Variants in JADE3 observed in about 807,000 individuals in gnomAD.
JADE3 encodes the protein protein Jade-3.
JADE3 carries 2 observed loss-of-function variants against 50.1 expected under a neutral mutation model. That is an observed-to-expected ratio of 0.04 (90% CI 0.02 to 0.13). The LOEUF is 0.13. JADE3 is among the 10% of genes least tolerant of loss of function. The probability of loss-of-function intolerance (pLI) is 1.00; values close to 1 mark genes in which losing one functional copy is unlikely to be tolerated. For missense variants in JADE3, 475 were observed against 634.4 expected (o/e 0.75, Z 2.70); for synonymous variants, 218 against 232.9 (o/e 0.94, Z 0.58).
Position 47,059,906 on chromosome X carries a change from A to G in JADE3, c.*829A>G, listed in dbSNP as rs1338215287. 8.9e-6 allele frequency: 1 copy of G among 112,363 alleles called. No individual in the cohort carries two copies. The highest frequency in any genetic ancestry group is 2.8e-4 in the East Asian group (1 of 3,590). The allele number at this position is 112,363 out of a possible 1,213,427, so 9.3% of individuals were successfully genotyped here. ...GTCAGGGTTTTTGTGTTGTTTTCAA[A>G]TAAGTTTGACTAAAATAAGTTTGGC... On this transcript the variant is annotated 3_prime_UTR_variant, in exon 11 of 11. Transcript: ENST00000614628.
At chrX:46,972,382 G>C (rs1480372936) in intron 1 of JADE3, among the ~76,000 whole-genome samples, 2 of 110,821 alleles carry the variant, frequency 1.8e-5, no homozygotes, top group African/African-American at 3.3e-5. Context: ...TTTAAGTAGA[G>C]ATGTGGTTTT....
intron 6 of JADE3, 81 bp downstream of exon 6, chrX:47,028,184 G>A (rs981328893): frequency 3.1e-6 from 2 of 640,081 alleles, no homozygotes; most frequent in Non-Finnish European, 4.9e-6. Flanking sequence ...GCATATCTGG[G>A]TAGCAGCTTG....
intron 4 of JADE3, among the ~76,000 whole-genome samples, chrX:47,003,620 A>T (rs960222778): frequency 2.0e-5 from 2 of 101,440 alleles, no homozygotes; most frequent in Non-Finnish European, 3.9e-5. Context: ...TATATATATA[A>T]ATTTATATAT....
intron 4 of JADE3, among the ~76,000 whole-genome samples, chrX:47,010,921 C>T (rs1449433072): frequency 8.9e-6 from 1 of 111,786 alleles, no homozygotes; most frequent in Non-Finnish European, 1.9e-5. Context: ...TGAGGCCTCT[C>T]TTCCTAGTGT....
At chrX:46,979,963 T>A (rs966799013) in intron 1 of JADE3, among the ~76,000 whole-genome samples, 2 of 94,219 alleles carry the variant, frequency 2.1e-5, no homozygotes, top group Admixed American at 1.3e-4. Flanking sequence ...CACTGCAACC[T>A]CCGCCTCCCA....
intron 3 of JADE3, among the ~76,000 whole-genome samples, chrX:46,989,032 G>A (rs1246558950): frequency 9.0e-6 from 1 of 111,209 alleles, no homozygotes; most frequent in Non-Finnish European, 1.9e-5. Context: ...TAGAGACAGG[G>A]TTTTACCATC....
chrX:46,931,868 A>G (rs1419337661), intron 1 of JADE3, among the ~76,000 whole-genome samples: 1 of 112,157 alleles, frequency 8.9e-6, no homozygotes, highest in Non-Finnish European at 1.9e-5. Context: ...TGCATATAAT[A>G]GGCACTCAAT....
chrX:46,989,939 G>C (rs138651080), intron 3 of JADE3, among the ~76,000 whole-genome samples: 10,151 of 107,980 alleles, frequency 0.094, 579 homozygotes, highest in East Asian at 0.32. Context: ...CTTGTTCATT[G>C]GTTCCATCTT....
At chrX:46,989,677 G>A (rs941670408) in intron 3 of JADE3, among the ~76,000 whole-genome samples, 1 of 111,508 alleles carries the variant, frequency 9.0e-6, no homozygotes, top group African/African-American at 3.3e-5. Flanking sequence ...ACCTGGGCAT[G>A]GATTTCTTTT....
intron 8 of JADE3, 46 bp from the exon 9 acceptor site, chrX:47,054,112 C>A (rs782081395): frequency 2.1e-6 from 2 of 937,920 alleles, no homozygotes; most frequent in East Asian, 3.1e-5. Flanking sequence ...AGGTCTCTCC[C>A]TTTTCCTCCA....
rs1927249154 is a variant in JADE3 at position 46,961,127 on chromosome X, T to A, written c.-11-23757T>A. Among the ~76,000 whole-genome samples, 5 of 112,071 alleles carry A rather than the reference T, an allele frequency of 4.5e-5. No homozygotes were observed. In the Admixed American group the frequency reaches 4.7e-4, roughly 11 times the overall value. The stretch of plus-strand genomic sequence containing the variant: ...AAAACTTACTACAAAGCCATTATAA[T>A]AAAAATAATATGATAATGGACTAGA... On this transcript the variant is annotated intron_variant, in intron 1 of 10. Coordinates refer to ENST00000614628, the MANE Select transcript of JADE3 (RefSeq NM_014735.5).
At chrX:47,033,319 C>T (rs1437795293) in intron 6 of JADE3, among the ~76,000 whole-genome samples, 3 of 111,645 alleles carry the variant, frequency 2.7e-5, no homozygotes, top group Non-Finnish European at 3.8e-5. Flanking sequence ...AGAAAACAGA[C>T]CAAAAAATGC....
At position 46,975,298 on chromosome X, in the gene JADE3, G is replaced by A. The variant is rs1405734617; in HGVS notation, c.-11-9586G>A. Among the ~76,000 whole-genome samples the A allele has an allele frequency of 1.2e-4, 14 of 112,046 alleles. No individual in the cohort carries two copies. The Admixed American group carries it at 1.3e-3, about 11-fold the overall frequency. ...GGAGTGACATGGGAACAGATATCTTGAAATCTTAGAAAAGTATTTTTTCCG... is the reference window on the plus strand; with the variant it reads ...GGAGTGACATGGGAACAGATATCTTAAAATCTTAGAAAAGTATTTTTTCCG... On this transcript the variant is annotated intron_variant, in intron 1 of 10. Coordinates refer to ENST00000614628, the MANE Select transcript of JADE3 (RefSeq NM_014735.5).
intron 1 of JADE3, among the ~76,000 whole-genome samples, chrX:46,926,986 C>T (rs1926384522): frequency 8.9e-6 from 1 of 112,139 alleles, no homozygotes; most frequent in African/African-American, 3.2e-5. Flanking sequence ...TGTTTGTGTG[C>T]ATATAAGTTT....
At chrX:46,967,750 A>G (rs1556349324) in intron 1 of JADE3, among the ~76,000 whole-genome samples, 1 of 112,096 alleles carries the variant, frequency 8.9e-6, no homozygotes, top group Non-Finnish European at 1.9e-5. Flanking sequence ...TTTCTCACTC[A>G]TCATTGCTTT....
At chrX:46,986,441 C>A (rs1453579265) in intron 3 of JADE3, among the ~76,000 whole-genome samples, 3 of 112,301 alleles carry the variant, frequency 2.7e-5, no homozygotes, top group African/African-American at 9.7e-5. Flanking sequence ...TGATTTCAAT[C>A]ATCTTCACAC....
chrX:46,941,180 T>C (rs1258125876), intron 1 of JADE3, among the ~76,000 whole-genome samples: 1 of 110,846 alleles, frequency 9.0e-6, no homozygotes, highest in African/African-American at 3.3e-5. Context: ...GGTATTTGGT[T>C]TTCTGTATTA....
chrX:46,939,649 C>T (rs1188634289), intron 1 of JADE3, among the ~76,000 whole-genome samples: 3 of 111,793 alleles, frequency 2.7e-5, no homozygotes, highest in Non-Finnish European at 5.6e-5. Context: ...ACAGAATTTT[C>T]GCCTCCCTCA....
Position 47,054,574 on chromosome X carries a change from A to G in JADE3, c.1389A>G (p.Glu463=), listed in dbSNP as rs1422792019. ...ATGGGCTGGTGCAGCCAAAAGAGGA[A>G]AGCATTCACACTCGAATGAGAATGT... ...EENGLVQPKE[E]SIHTRMRMFM... Residue 463 remains glutamate, a synonymous_variant, in exon 9 of 11, where the codon GAA becomes GAG. Transcript: ENST00000614628. 1.7e-6 allele frequency: 2 copies of G among 1,208,317 alleles called. No homozygotes were observed. The highest frequency in any genetic ancestry group is 2.2e-6 in the Non-Finnish European group (2 of 894,251).
Sources: allele counts gnomAD v4.1 joint callset (sites outside exome capture counted in the v4.1 genomes callset), GRCh38; gene constraint gnomAD v4.1.1; transcripts MANE v1.5; gene names NCBI Gene and HGNC (gene_info 2026-07-23, HGNC 2026-07-21).